Variants in TET1 observed in about 807,000 individuals in gnomAD.
TET1 encodes methylcytosine dioxygenase TET1.
A neutral mutation model predicts 148.7 loss-of-function variants in TET1; 13 were observed. The ratio of observed to expected loss-of-function variants is 0.09; its 90% CI spans 0.06 to 0.14. TET1 has a LOEUF of 0.14. Among genes scored for constraint, TET1 ranks in the 10% least tolerant of loss-of-function variants. The pLI is 1.00. For synonymous variants in TET1, 907 were observed against 937.2 expected (o/e 0.97, Z 0.59); for missense variants, 2,182 against 2,553.8 (o/e 0.85, Z 3.14).
At chr10:68,599,654 G>C (rs958049196) in intron 2 of TET1, among the ~76,000 whole-genome samples, 1 of 152,208 alleles carries the variant, frequency 6.6e-6, no homozygotes, top group Non-Finnish European at 1.5e-5. Context: ...GGGTGGTTCC[G>C]TCTGACCGCG....
chr10:68,629,293 A>G (rs574781059), intron 3 of TET1, among the ~76,000 whole-genome samples: 2 of 152,122 alleles, frequency 1.3e-5, no homozygotes, highest in South Asian at 4.2e-4. Context: ...TGAACTTGAG[A>G]GACAGAGGTT....
At chr10:68,683,825 C>T (rs1293406544) in intron 10 of TET1, among the ~76,000 whole-genome samples, 1 of 152,122 alleles carries the variant, frequency 6.6e-6, no homozygotes, top group Non-Finnish European at 1.5e-5. Flanking sequence ...GGCAACTGTG[C>T]CAATTATCAG....
intron 1 of TET1, among the ~76,000 whole-genome samples, chr10:68,563,826 C>T (rs766698621): frequency 2.0e-5 from 3 of 152,102 alleles, no homozygotes; most frequent in East Asian, 1.9e-4. Flanking sequence ...GGATTACAGG[C>T]GTGTGCCACC....
chr10:68,580,863 C>T (rs897827806), intron 2 of TET1, among the ~76,000 whole-genome samples: 2 of 149,852 alleles, frequency 1.3e-5, no homozygotes, highest in Non-Finnish European at 3.0e-5. Flanking sequence ...CCCAACTACT[C>T]AGGAGGCTGA....
At chr10:68,663,863 G>A (rs1566221) in intron 6 of TET1, among the ~76,000 whole-genome samples, 143,743 of 152,290 alleles carry the variant, frequency 0.94, 67,873 homozygotes, top group East Asian at 0.98. Flanking sequence ...TTTGCCTGCT[G>A]TAGCAAAAAC....
chr10:68,675,416 G>A (rs2055335290), intron 8 of TET1, among the ~76,000 whole-genome samples: 2 of 152,278 alleles, frequency 1.3e-5, no homozygotes, highest in South Asian at 2.1e-4. Context: ...TGAAGCTTGG[G>A]TGGAAGAATG....
chr10:68,681,264 T>C (rs2055431291), intron 8 of TET1, 135 bp from the exon 9 acceptor site: 1 of 529,274 alleles, frequency 1.9e-6, no homozygotes, highest in Admixed American at 3.5e-5. Flanking sequence ...AGTGTAATTT[T>C]CTGTGGTAGC....
Position 68,572,330 on chromosome 10 carries a change from T to G in TET1, c.-9T>G. 1 of 1,582,414 alleles carries G rather than the reference T, an allele frequency of 6.3e-7. No individual in the cohort carries two copies. Among genetic ancestry groups the G allele is most frequent in the African/African-American group, 1.4e-5 (1 of 72,798 alleles). ...CCTGCGCCCTTTCATTTTTTCCTAC[T>G]CTGTAGCTATGTCTCGATCCCGCCA... On this transcript the variant is annotated 5_prime_UTR_variant, in exon 2 of 12. Coordinates refer to ENST00000373644, the MANE Select transcript of TET1 (RefSeq NM_030625.3).
chr10:68,662,758 C>A (rs2055140343), intron 6 of TET1, among the ~76,000 whole-genome samples: 1 of 152,040 alleles, frequency 6.6e-6, no homozygotes, highest in Non-Finnish European at 1.5e-5. Flanking sequence ...AAAGAAGTAG[C>A]CAAGCACGGT....
At chr10:68,651,798 A>T (rs755705225) in intron 4 of TET1, 48 bp from the exon 5 acceptor site, 2 of 1,429,616 alleles carry the variant, frequency 1.4e-6, no homozygotes, top group Admixed American at 1.9e-5. Context: ...CCTGTCCCCT[A>T]TGCAATTCTG....
intron 3 of TET1, 115 bp from the exon 4 acceptor site, chr10:68,644,583 T>A: frequency 9.9e-7 from 1 of 1,012,140 alleles, no homozygotes; most frequent in Non-Finnish European, 1.4e-6. Context: ...GCAAAAATAA[T>A]ATTTTAGGCT....
At chr10:68,577,217 T>C (rs1456576451) in intron 2 of TET1, among the ~76,000 whole-genome samples, 2 of 151,998 alleles carry the variant, frequency 1.3e-5, no homozygotes, top group Non-Finnish European at 2.9e-5. Context: ...GCCTTAATTT[T>C]TGTATTTTTA....
chr10:68,601,339 T>C (rs1447126879), intron 3 of TET1, among the ~76,000 whole-genome samples: 1 of 152,250 alleles, frequency 6.6e-6, no homozygotes, highest in East Asian at 1.9e-4. Flanking sequence ...ATTTGTGGTG[T>C]TGCACCAGTG....
chr10:68,674,561 A>G, intron 8 of TET1: 1 of 547,654 alleles, frequency 1.8e-6, no homozygotes, highest in Non-Finnish European at 3.5e-6. Context: ...TTGCATTTAG[A>G]AAATTCAGCT....
intron 1 of TET1, among the ~76,000 whole-genome samples, chr10:68,567,097 T>A (rs922238218): frequency 6.6e-6 from 1 of 152,176 alleles, no homozygotes; most frequent in African/African-American, 2.4e-5. Context: ...AACGTCCATC[T>A]TTTTACTCTG....
At chr10:68,644,360 A>G (rs1050156067) in intron 3 of TET1, among the ~76,000 whole-genome samples, 2 of 151,934 alleles carry the variant, frequency 1.3e-5, no homozygotes, top group African/African-American at 4.8e-5. Context: ...GCATCACCAC[A>G]CCTGACTAAT....
chr10:68,647,537 G>A (rs919255204), intron 4 of TET1, among the ~76,000 whole-genome samples: 1 of 151,992 alleles, frequency 6.6e-6, no homozygotes, highest in Non-Finnish European at 1.5e-5. Context: ...CTGGGAGGTG[G>A]AGGTTACAGT....
chr10:68,622,617 C>T (rs1474478261), intron 3 of TET1, among the ~76,000 whole-genome samples: 1 of 152,024 alleles, frequency 6.6e-6, no homozygotes, highest in Non-Finnish European at 1.5e-5. Context: ...CAGTTCCACA[C>T]AGTTCCTCAG....
chr10:68,565,477 T>A (rs2664438), intron 1 of TET1, among the ~76,000 whole-genome samples: 22,432 of 84,494 alleles, frequency 0.27, 1,900 homozygotes, highest in South Asian at 0.37. Context: ...AAAAAAAAAA[T>A]ATATATATAT....
Sources: allele counts gnomAD v4.1 joint callset (sites outside exome capture counted in the v4.1 genomes callset), GRCh38; gene constraint gnomAD v4.1.1; transcripts MANE v1.5; gene names NCBI Gene and HGNC (gene_info 2026-07-23, HGNC 2026-07-21).